Variants in ENKUR observed in about 807,000 individuals in gnomAD.
The protein encoded by ENKUR is enkurin, TRPC channel interacting protein, also known as enkurin.
ENKUR carries 19 observed loss-of-function variants against 27.6 expected under a neutral mutation model. The observed-to-expected ratio is 0.69, with a 90% CI of 0.48 to 1.01. The LOEUF is 1.01. Among genes scored for constraint, ENKUR ranks in the 50% least tolerant of loss-of-function variants. The probability of loss-of-function intolerance (pLI) is 0.00; values close to 1 mark genes in which losing one functional copy is unlikely to be tolerated. For synonymous variants in ENKUR, 117 were observed against 96.9 expected (o/e 1.21, Z -1.22); for missense variants, 312 against 310.5 (o/e 1.00, Z -0.04).
At chr10:25,000,175 G>A (rs1485344114) in intron 1 of ENKUR, among the ~76,000 whole-genome samples, 2 of 152,022 alleles carry the variant, frequency 1.3e-5, no homozygotes, top group Non-Finnish European at 2.9e-5. Context: ...TTCTATTGTG[G>A]TTAGAGAATA....
intron 2 of ENKUR, among the ~76,000 whole-genome samples, chr10:25,036,422 G>A (rs4748999): frequency 0.26 from 39,570 of 152,098 alleles, 6,255 homozygotes; most frequent in East Asian, 0.5. Flanking sequence ...AAAATTACCC[G>A]ATCTTGGGTA....
chr10:25,029,818 T>C (rs1850914160), intron 2 of ENKUR, among the ~76,000 whole-genome samples: 1 of 152,164 alleles, frequency 6.6e-6, no homozygotes, highest in South Asian at 2.1e-4. Flanking sequence ...AAAAGGGACA[T>C]GTCAAGTGCA....
chr10:25,031,703 T>C (rs558025612), intron 2 of ENKUR, among the ~76,000 whole-genome samples: 2 of 152,242 alleles, frequency 1.3e-5, no homozygotes, highest in African/African-American at 4.8e-5. Flanking sequence ...TTGTTAACTT[T>C]TCTGTTATAG....
At chr10:25,051,570 T>C (rs1036940261) in intron 2 of ENKUR, among the ~76,000 whole-genome samples, 6 of 152,152 alleles carry the variant, frequency 3.9e-5, no homozygotes, top group Admixed American at 6.5e-5. Flanking sequence ...TGCCACGCAC[T>C]TTTAAACTAC....
intron 2 of ENKUR, 133 bp from the exon 3 acceptor site, chr10:24,996,002 A>G (rs1850046331): frequency 2.9e-6 from 2 of 694,520 alleles, no homozygotes; most frequent in African/African-American, 1.8e-5. Context: ...TTTAAGATAG[A>G]AGTTTATGCT....
At chr10:25,013,504 A>C (rs1274325039) in intron 1 of ENKUR, among the ~76,000 whole-genome samples, 3 of 152,258 alleles carry the variant, frequency 2.0e-5, no homozygotes, top group African/African-American at 4.8e-5. Context: ...ATGGAAGCTT[A>C]GGCTGAATGG....
intron 3 of ENKUR, among the ~76,000 whole-genome samples, chr10:24,991,572 T>C (rs1849929585): frequency 6.6e-6 from 1 of 152,076 alleles, no homozygotes; most frequent in Non-Finnish European, 1.5e-5. Context: ...AACGCAGAGT[T>C]TGGCCGGGGT....
At chr10:25,041,249 T>G (rs1851060967) in intron 2 of ENKUR, among the ~76,000 whole-genome samples, 1 of 152,238 alleles carries the variant, frequency 6.6e-6, no homozygotes, top group South Asian at 2.1e-4. Context: ...GATGAGAAAC[T>G]GCAGTGATTC....
At chr10:25,042,492 A>C (rs1851076365) in intron 2 of ENKUR, among the ~76,000 whole-genome samples, 1 of 151,962 alleles carries the variant, frequency 6.6e-6, no homozygotes, top group African/African-American at 2.4e-5. Flanking sequence ...ACGGGGTTTC[A>C]CCATGTCGGC....
intron 1 of ENKUR, chr10:25,062,112 T>A (rs545051753): frequency 2.0e-5 from 3 of 152,334 alleles, no homozygotes; most frequent in African/African-American, 4.8e-5. Flanking sequence ...ATATTTAATG[T>A]GGTTTTGTAC....
At chr10:25,046,428 T>G (rs1329199121) in intron 2 of ENKUR, among the ~76,000 whole-genome samples, 1 of 152,202 alleles carries the variant, frequency 6.6e-6, no homozygotes, top group Non-Finnish European at 1.5e-5. Context: ...TTAATTTTTT[T>G]CTTGCATCTG....
At chr10:25,050,573 C>T (rs1851176907) in intron 2 of ENKUR, among the ~76,000 whole-genome samples, 1 of 152,144 alleles carries the variant, frequency 6.6e-6, no homozygotes, top group Non-Finnish European at 1.5e-5. Context: ...TCCCACTGGT[C>T]CCTTCTACGA....
At chr10:25,014,441 C>A (rs1309958727) in intron 1 of ENKUR, among the ~76,000 whole-genome samples, 1 of 151,964 alleles carries the variant, frequency 6.6e-6, no homozygotes, top group Non-Finnish European at 1.5e-5. Flanking sequence ...AACAGATATA[C>A]TAGTGCAATA....
At chr10:25,044,801 T>C (rs1851104698) in intron 2 of ENKUR, among the ~76,000 whole-genome samples, 1 of 152,252 alleles carries the variant, frequency 6.6e-6, no homozygotes, top group Non-Finnish European at 1.5e-5. Flanking sequence ...CCCTTGAGTA[T>C]CCTTGGAGTC....
chr10:24,993,747 A>G (rs925429005), intron 3 of ENKUR, among the ~76,000 whole-genome samples: 1 of 152,226 alleles, frequency 6.6e-6, no homozygotes, highest in African/African-American at 2.4e-5. Flanking sequence ...ATGGTTTGGT[A>G]AACTCTGGTA....
Position 25,016,118 on chromosome 10 carries a change from A to G in ENKUR, c.-182T>C. The G allele has an allele frequency of 7.8e-7, 1 of 1,276,342 alleles. No individual in the cohort carries two copies. The highest frequency in any genetic ancestry group is 9.9e-7 in the Non-Finnish European group (1 of 1,009,612). 79.1% of individuals were successfully genotyped at this position (1,276,342 alleles called of 1,614,324 possible). ...TTAGCAGTCCTCTCTCGGGAAGAAA[A>G]CACCCTATTTCTCTCCGGATTGCTA... On this transcript the variant is annotated 5_prime_UTR_variant, in exon 1 of 6. Transcript: ENST00000331161.
chr10:25,030,840 C>A (rs1164616001), intron 2 of ENKUR, among the ~76,000 whole-genome samples: 1 of 152,090 alleles, frequency 6.6e-6, no homozygotes, highest in Admixed American at 6.6e-5. Flanking sequence ...AGTGCTTGGC[C>A]AGGTGAGGTG....
chr10:24,992,392 T>C (rs1849946765), intron 3 of ENKUR, among the ~76,000 whole-genome samples: 1 of 152,170 alleles, frequency 6.6e-6, no homozygotes, highest in South Asian at 2.1e-4. Context: ...GGAGGTATGG[T>C]AGTCATTAAA....
chr10:25,020,024 G>A (rs1850685865), upstream of ENKUR, among the ~76,000 whole-genome samples: 1 of 151,896 alleles, frequency 6.6e-6, no homozygotes, highest in Non-Finnish European at 1.5e-5. Context: ...TCATTTGGTT[G>A]GTTAAAAAAT....
Sources: gnomAD v4.1 joint callset for allele counts (sites outside exome capture counted in the v4.1 genomes callset) on GRCh38, gnomAD v4.1.1 for gene constraint, MANE v1.5 for transcripts, NCBI Gene and HGNC (gene_info 2026-07-23, HGNC 2026-07-21) for gene names.